Variants in PTPRZ1 observed in about 807,000 individuals in gnomAD.
PTPRZ1 encodes the protein receptor-type tyrosine-protein phosphatase zeta.
In PTPRZ1, 82 loss-of-function variants were observed where a neutral mutation model predicts 214.1. That is an observed-to-expected ratio of 0.38 (90% CI 0.32 to 0.46). The LOEUF (loss-of-function observed/expected upper bound fraction) is 0.46. PTPRZ1 is among the 20% of genes least tolerant of loss of function. The pLI, the probability that PTPRZ1 is intolerant of heterozygous loss-of-function variation, is 1.00. For synonymous variants in PTPRZ1, 945 were observed against 987.9 expected (o/e 0.96, Z 0.81); for missense variants, 2,603 against 2,748.7 (o/e 0.95, Z 1.19).
intron 2 of PTPRZ1, among the ~76,000 whole-genome samples, chr7:121,948,323 A>T (rs780434320): frequency 3.3e-5 from 5 of 152,182 alleles, no homozygotes; most frequent in Non-Finnish European, 7.3e-5. Context: ...TATTGTGAAA[A>T]GAATAAACCT....
rs114090472 is a variant in PTPRZ1, at chr7:121,965,386, G to A, written c.125-2565G>A. Reference sequence around the variant, plus strand: ...TGTTTGTTTGTTTGTTTGTTTCACTGGTTGGGTGTTTTTTGTTTTTTGTTT... The same window carrying A: ...TGTTTGTTTGTTTGTTTGTTTCACTAGTTGGGTGTTTTTTGTTTTTTGTTT... On this transcript the variant is annotated intron_variant, in intron 2 of 29. Coordinates refer to ENST00000393386, the MANE Select transcript of PTPRZ1 (RefSeq NM_002851.3). Among the ~76,000 whole-genome samples the A allele has an allele frequency of 8.9e-3, 1,360 of 152,202 alleles. 15 individuals are homozygous for A. Among genetic ancestry groups the A allele is most frequent in the African/African-American group, 0.03 (1,257 of 41,528 alleles).
Position 121,983,718 on chromosome 7 carries a change from A to G in PTPRZ1, c.673A>G (p.Thr225Ala), listed in dbSNP as rs749435758. ...FILLNLLPNS[T>A]DKYYIYNGSL... is the part of the protein sequence containing the mutation. ...ACTGTTGAACCTTCTGCCAAACTCA[A>G]CTGACAAGTATTACATTTACAATGG... The change falls in exon 7 of 30, where the codon ACT becomes GCT. Residue 225 changes from threonine (T) to alanine (A), a missense_variant. Around this residue, in one of 6 missense-constraint regions of PTPRZ1, gnomAD observed 244 missense variants for 333.2 expected, o/e 0.73. Coordinates refer to ENST00000393386, the MANE Select transcript of PTPRZ1 (RefSeq NM_002851.3). 4 of 1,613,814 alleles carry G rather than the reference A, an allele frequency of 2.5e-6. No individual in the cohort carries two copies. The highest frequency in any genetic ancestry group is 3.4e-6 in the Non-Finnish European group (4 of 1,179,904).
intron 2 of PTPRZ1, among the ~76,000 whole-genome samples, chr7:121,961,631 A>G (rs572231242): frequency 7.2e-5 from 11 of 152,354 alleles, no homozygotes; most frequent in Admixed American, 7.2e-4. Flanking sequence ...ATTGCTTTCC[A>G]TTCCGCTTGG....
Position 122,012,549 on chromosome 7 carries a change from T to C in PTPRZ1, c.3503T>C (p.Leu1168Ser), listed in dbSNP as rs1219884032. ...ATGTTATCTCCTTCAACTCAGCTCT[T>C]ATTTTATGAGACCTCAGCTTCTTTT... ...SEMLSPSTQLLFYETSASFST... is the reference protein window; with the variant it reads ...SEMLSPSTQLSFYETSASFST... Residue 1168 changes from leucine (L) to serine (S), a missense_variant, in exon 12 of 30, where the codon TTA becomes TCA. This residue lies in a region of PTPRZ1 where 1,913 missense variants were observed against 1,914.3 expected (regional missense o/e 1.00). Transcript: ENST00000393386. 2 of 1,614,114 alleles carry C rather than the reference T, an allele frequency of 1.2e-6. No individual in the cohort carries two copies. The highest frequency in any genetic ancestry group is 1.7e-5 in the Admixed American group (1 of 60,010).
chr7:121,976,696 TA>T (rs1205173950), intron 5 of PTPRZ1, 88 bp from the exon 6 acceptor site: 7 of 1,074,362 alleles, frequency 6.5e-6, no homozygotes, highest in Non-Finnish European at 9.2e-6. Flanking sequence ...TGCACATATT[TA>T]AAATGGAATT....
At chr7:121,982,181 T>G (rs1563049498) in intron 6 of PTPRZ1, among the ~76,000 whole-genome samples, 1 of 152,200 alleles carries the variant, frequency 6.6e-6, no homozygotes, top group Non-Finnish European at 1.5e-5. Context: ...AATAATTTTT[T>G]CTATCATAGA....
intron 2 of PTPRZ1, among the ~76,000 whole-genome samples, chr7:121,951,061 T>C (rs190544732): frequency 5.7e-4 from 87 of 152,364 alleles, no homozygotes; most frequent in African/African-American, 1.9e-3. Context: ...TATGATCAAA[T>C]TAGATTTTAG....
chr7:121,941,124 TTCAGAATGTAGTACC>T (rs1423803592), intron 2 of PTPRZ1, among the ~76,000 whole-genome samples: 2 of 152,216 alleles, frequency 1.3e-5, no homozygotes, highest in Non-Finnish European at 2.9e-5. Context: ...TCTTCCCTTG[TTCAGAATGTAGTACC>T]TCATGTGTGC....
intron 8 of PTPRZ1, among the ~76,000 whole-genome samples, chr7:121,990,665 G>A (rs1276323961): frequency 1.3e-5 from 2 of 151,656 alleles, no homozygotes; most frequent in African/African-American, 2.4e-5. Flanking sequence ...GACTACAGGC[G>A]CATGCTACCA....
At chr7:122,061,058 C>T in intron 29 of PTPRZ1, 22 bp from the exon 30 acceptor site, 1 of 1,560,864 alleles carries the variant, frequency 6.4e-7, no homozygotes, top group Non-Finnish European at 8.7e-7. Context: ...GCATTTATTA[C>T]CTCCCATCTT....
chr7:121,881,911 T>G (rs1009981401), intron 1 of PTPRZ1, among the ~76,000 whole-genome samples: 1 of 152,234 alleles, frequency 6.6e-6, no homozygotes, highest in Non-Finnish European at 1.5e-5. Context: ...TTATTTATTT[T>G]CTTTCTCCAT....
intron 1 of PTPRZ1, among the ~76,000 whole-genome samples, chr7:121,903,879 G>A (rs1795039525): frequency 6.6e-6 from 1 of 151,418 alleles, no homozygotes; most frequent in Admixed American, 6.6e-5. Context: ...AAGCATGAAT[G>A]AACAAAATAG....
chr7:121,947,376 G>C (rs558100895), intron 2 of PTPRZ1, among the ~76,000 whole-genome samples: 6 of 152,182 alleles, frequency 3.9e-5, no homozygotes, highest in Non-Finnish European at 7.4e-5. Flanking sequence ...CCTATGTGTT[G>C]CTCTGCTATG....
intron 2 of PTPRZ1, 110 bp from the exon 3 acceptor site, chr7:121,967,840 CA>C (rs1797089117): frequency 4.0e-6 from 3 of 750,378 alleles, no homozygotes; most frequent in Admixed American, 6.7e-5. Context: ...AGATGTCAAA[CA>C]TTTTTCTACT....
chr7:121,960,839 C>G (rs1796853332), intron 2 of PTPRZ1, among the ~76,000 whole-genome samples: 1 of 152,078 alleles, frequency 6.6e-6, no homozygotes. Context: ...TTTCCTCACA[C>G]ACAATGTTTT....
At chr7:121,989,441 A>G (rs1420979154) in intron 8 of PTPRZ1, among the ~76,000 whole-genome samples, 4 of 146,302 alleles carry the variant, frequency 2.7e-5, no homozygotes, top group African/African-American at 7.6e-5. Context: ...ATGGCACGAT[A>G]TCGGCTCACC....
At chr7:121,917,523 A>C (rs1795461051) in intron 1 of PTPRZ1, among the ~76,000 whole-genome samples, 2 of 152,222 alleles carry the variant, frequency 1.3e-5, no homozygotes, top group Admixed American at 6.5e-5. Context: ...ATTTAAAACG[A>C]AATTGCTTCA....
chr7:122,005,302 A>T (rs982419076), intron 11 of PTPRZ1, among the ~76,000 whole-genome samples: 1 of 151,882 alleles, frequency 6.6e-6, no homozygotes, highest in Non-Finnish European at 1.5e-5. Context: ...TATCTTTTAT[A>T]TTTCATCATA....
chr7:122,000,600 A>C (rs1426245735), intron 10 of PTPRZ1, among the ~76,000 whole-genome samples: 1 of 142,246 alleles, frequency 7.0e-6, no homozygotes, highest in Non-Finnish European at 1.5e-5. Context: ...TGTTAAAAAG[A>C]AATGAAAAAG....
Sources: allele counts gnomAD v4.1 joint callset (sites outside exome capture counted in the v4.1 genomes callset), GRCh38; gene constraint gnomAD v4.1.1; regional missense constraint gnomAD v4.1.1; transcripts MANE v1.5; gene names NCBI Gene and HGNC (gene_info 2026-07-23, HGNC 2026-07-21).